The following SOCS7 variants were observed in gnomAD, a reference collection of about 807,000 sequenced individuals.
SOCS7 encodes suppressor of cytokine signaling 7.
Under a neutral mutation model 58.9 loss-of-function variants are expected in SOCS7, and 18 were observed. The ratio of observed to expected loss-of-function variants is 0.31; its 90% CI spans 0.21 to 0.45. The LOEUF (loss-of-function observed/expected upper bound fraction) is 0.45, where lower values mean the gene tolerates loss of function less well. Among genes scored for constraint, SOCS7 ranks in the 20% least tolerant of loss-of-function variants. SOCS7 has a pLI of 1.00. For synonymous variants in SOCS7, 388 were observed against 364.3 expected (o/e 1.06, Z -0.74); for missense variants, 667 against 837.3 (o/e 0.80, Z 2.51).
chr17:38,389,919 A>ATG (rs2038147808), intron 7 of SOCS7, among the ~76,000 whole-genome samples: 1 of 95,428 alleles, frequency 1.0e-5, no homozygotes, highest in Non-Finnish European at 2.5e-5. Context: ...AGAGAGAGAG[A>ATG]GAGAGAGAGT....
At chr17:38,384,990 G>A (rs1250103059) in intron 7 of SOCS7, among the ~76,000 whole-genome samples, 3 of 147,504 alleles carry the variant, frequency 2.0e-5, no homozygotes, top group Non-Finnish European at 3.0e-5. Context: ...TCCGCCTTCC[G>A]GTTTTGAGCA....
In SOCS7 at chr17:38,352,545, C is replaced by T; in HGVS notation, c.493C>T (p.Pro165Ser). The T allele has an allele frequency of 6.5e-7, 1 of 1,548,768 alleles. No individual in the cohort carries two copies. Among genetic ancestry groups the T allele is most frequent in the Non-Finnish European group, 8.7e-7 (1 of 1,146,122 alleles). Reference sequence around the variant, plus strand: ...GCAGCCCCAGCCGCCTGCTGCCGCCCCGCAGGCCGGGGAGGACCCCACGGA... The same window carrying T: ...GCAGCCCCAGCCGCCTGCTGCCGCCTCGCAGGCCGGGGAGGACCCCACGGA... Reference protein sequence around the residue: ...PPQPQPPAAAPQAGEDPTETS... With the variant: ...PPQPQPPAAASQAGEDPTETS... The change falls in exon 1 of 10, where the codon CCG becomes TCG. Residue 165 changes from proline to serine, a missense_variant. Pro to Ser is a moderately conservative substitution (Grantham distance 74). Coordinates refer to ENST00000612932, the MANE Select transcript of SOCS7 (RefSeq NM_014598.4). This position sits in a 1 kb window ranked among gnomAD's most constrained non-coding sequence, Gnocchi z 5.5.
At chr17:38,361,486 T>A (rs1325959304) in intron 1 of SOCS7, among the ~76,000 whole-genome samples, 2 of 152,260 alleles carry the variant, frequency 1.3e-5, no homozygotes, top group East Asian at 3.8e-4. Context: ...AAGGGATTTC[T>A]CATTGCTTTG....
At position 38,404,352 on chromosome 17, in the gene SOCS7, C is replaced by T. The variant is rs1463697782; in HGVS notation, c.*4870C>T. The T allele has an allele frequency of 6.6e-6, 1 of 152,284 alleles. No individual in the cohort carries two copies. The highest frequency in any genetic ancestry group is 1.5e-5 in the Non-Finnish European group (1 of 68,088). The allele number at this position is 152,284 out of a possible 1,614,324, so 9.4% of individuals were successfully genotyped here. The stretch of plus-strand genomic sequence containing the variant: ...CTTGACCTTCCTGGCAGGTGTCGCT[C>T]AGTTTCTTCCTGTTTCCCTTCCTGT... On this transcript the variant is annotated 3_prime_UTR_variant, in exon 10 of 10. Transcript: ENST00000612932.
At position 38,402,151 on chromosome 17, in the gene SOCS7, C is replaced by T. The variant is rs1406913479; in HGVS notation, c.*2669C>T. The stretch of plus-strand genomic sequence containing the variant: ...TGTGTCTGTGTCAGTGCACTGGTCC[C>T]AGCCCTGGCCGCAGCCTAGTCCTTT... On this transcript the variant is annotated 3_prime_UTR_variant, in exon 10 of 10. Transcript: ENST00000612932. The T allele has an allele frequency of 6.6e-6, 1 of 152,404 alleles. No homozygotes were observed. 9.4% of individuals were successfully genotyped at this position (152,404 alleles called of 1,614,324 possible).
chr17:38,362,177 A>G (rs1438173592), intron 2 of SOCS7, among the ~76,000 whole-genome samples: 1 of 152,230 alleles, frequency 6.6e-6, no homozygotes, highest in Admixed American at 6.5e-5. Flanking sequence ...AAAATGATCC[A>G]TGATTATCTG....
At chr17:38,389,906 T>TATATATATATAGAG (rs1555571102) in intron 7 of SOCS7, among the ~76,000 whole-genome samples, 64 of 103,476 alleles carry the variant, frequency 6.2e-4, no homozygotes, top group African/African-American at 3.0e-3. Context: ...TATACACATA[T>TATATATATATAGAG]AGAGAGAGAG....
chr17:38,380,617 C>T (rs1471760675), intron 7 of SOCS7, among the ~76,000 whole-genome samples: 3 of 146,518 alleles, frequency 2.0e-5, no homozygotes, highest in Non-Finnish European at 4.5e-5. Context: ...GGCCCCCAAG[C>T]AAGACTCTGT....
intron 7 of SOCS7, among the ~76,000 whole-genome samples, chr17:38,395,002 A>G (rs1352969175): frequency 6.6e-6 from 1 of 152,154 alleles, no homozygotes; most frequent in Non-Finnish European, 1.5e-5. Context: ...GTGAGCTGAG[A>G]CTGGGCCACT....
rs1424247367 is a variant in SOCS7 at position 38,366,342 on chromosome 17, C to T, written c.1308C>T (p.Pro436=). 1.9e-6 allele frequency: 3 copies of T among 1,614,090 alleles called. No homozygotes were observed. The highest frequency in any genetic ancestry group is 2.5e-6 in the Non-Finnish European group (3 of 1,180,042). Residue 436 remains proline (P), a synonymous_variant, in exon 5 of 10, where the codon CCC becomes CCT. Transcript: ENST00000612932. ...CAGCTGAATCCCTGCACAGCCAACC[C>T]CCACAGCACCTCCAGTGTCCCCTCT... is the stretch of plus-strand genomic sequence containing the variant. ...IRAAESLHSQ[P]PQHLQCPLYR...
rs2038041006 is a variant in SOCS7, at chr17:38,384,398, T to A, written c.1681+6556T>A. ...GCCTTGACCTCCCAGGCTCAAGTGA[T>A]CCTCCCACCTCAGCCTCCCAAGTAG... On this transcript the variant is annotated intron_variant, in intron 7 of 9. Transcript: ENST00000612932. 2.0e-5 allele frequency among the ~76,000 whole-genome samples: 3 copies of A among 152,070 alleles called. No homozygotes were observed. The South Asian group carries it at 6.2e-4, about 32-fold the overall frequency.
chr17:38,387,963 G>C lies in SOCS7; in HGVS notation c.1682-7346G>C, dbSNP rs1015494992. ...TTTTTTGTATTTTTAGTAGAGACGG[G>C]ATTTCGCCATGTTGGCCAGGCTGGT... On this transcript the variant is annotated intron_variant, in intron 7 of 9. Transcript: ENST00000612932. Among the ~76,000 whole-genome samples, 5 of 151,716 alleles carry C rather than the reference G, an allele frequency of 3.3e-5. No individual in the cohort carries two copies. The East Asian group carries it at 9.7e-4, about 29-fold the overall frequency.
rs929711340 is a variant in SOCS7 at position 38,352,847 on chromosome 17, C to T, written c.795C>T (p.Leu265=). ...CTCCTCCCGGGCCCCTCCGGCCACT[C>T]GCGGGTCCTTCTCGGAAGGGCTCCT... ...PPPPPGPLRP[L]AGPSRKGSFK... The change falls in exon 1 of 10, where the codon CTC becomes CTT. Residue 265 remains leucine, a synonymous_variant. Transcript: ENST00000612932. This position sits in a 1 kb window ranked among gnomAD's most constrained non-coding sequence, Gnocchi z 5.5. 4 of 1,579,502 alleles carry T rather than the reference C, an allele frequency of 2.5e-6. No individual in the cohort carries two copies. The highest frequency in any genetic ancestry group is 1.3e-5 in the African/African-American group (1 of 74,154).
chr17:38,395,730 T>C (rs951039334), intron 8 of SOCS7, 118 bp from the exon 9 acceptor site: 2 of 1,053,144 alleles, frequency 1.9e-6, no homozygotes, highest in African/African-American at 3.2e-5. Flanking sequence ...ACTGAGAAAA[T>C]GGGGATTGTG....
At chr17:38,364,183 G>A (rs1487461741) in intron 2 of SOCS7, among the ~76,000 whole-genome samples, 3 of 152,232 alleles carry the variant, frequency 2.0e-5, no homozygotes, top group Non-Finnish European at 4.4e-5. Context: ...AGCCTCAGCT[G>A]TTAAGAACAG....
In SOCS7 at chr17:38,401,669, T is replaced by C. The variant is rs1013979034; in HGVS notation, c.*2187T>C. ...GATAAGATCAGGGTAGACCAGATGG[T>C]CTGGGAAAGTTCTGTGCCTCTGAGG... On this transcript the variant is annotated 3_prime_UTR_variant, in exon 10 of 10. Transcript: ENST00000612932. 2 of 152,110 alleles carry C rather than the reference T, an allele frequency of 1.3e-5. No individual in the cohort carries two copies. The highest frequency in any genetic ancestry group is 4.8e-5 in the African/African-American group (2 of 41,398). The allele number at this position is 152,110 out of a possible 1,614,324, so 9.4% of individuals were successfully genotyped here.
At chr17:38,360,448 C>T (rs1811577367) in intron 1 of SOCS7, among the ~76,000 whole-genome samples, 1 of 152,142 alleles carries the variant, frequency 6.6e-6, no homozygotes, top group Non-Finnish European at 1.5e-5. Flanking sequence ...ACCTTGGCCT[C>T]CCAAAGTGTT....
intron 9 of SOCS7, among the ~76,000 whole-genome samples, chr17:38,397,175 A>G (rs923291578): frequency 5.3e-5 from 8 of 152,232 alleles, no homozygotes; most frequent in South Asian, 2.1e-4. Context: ...TGATTAACCC[A>G]GAGCACGGAG....
intron 1 of SOCS7, among the ~76,000 whole-genome samples, chr17:38,356,519 CACGCCTGGCT>C (rs1214746002): frequency 2.0e-4 from 31 of 151,920 alleles, no homozygotes; most frequent in Non-Finnish European, 1.0e-4. Context: ...TACACGCCAC[CACGCCTGGCT>C]AATTTTTTGT....
Sources: allele counts gnomAD v4.1 joint callset (sites outside exome capture counted in the v4.1 genomes callset), GRCh38; gene constraint gnomAD v4.1.1; non-coding constraint Gnocchi (gnomAD v3.1); transcripts MANE v1.5; gene names NCBI Gene and HGNC (gene_info 2026-07-23, HGNC 2026-07-21).